Variants in DMD observed in about 807,000 individuals in gnomAD.
The protein encoded by DMD is dystrophin, also known as mutant dystrophin.
In DMD, 63 loss-of-function variants were observed where a neutral mutation model predicts 330.1. The ratio of observed to expected loss-of-function variants is 0.19; its 90% confidence interval spans 0.16 to 0.24. The LOEUF is 0.24. DMD is among the 10% of genes least tolerant of loss of function. The pLI, the probability that DMD is intolerant of heterozygous loss-of-function variation, is 1.00. For synonymous variants in DMD, 1,223 were observed against 959.8 expected (o/e 1.27, Z -5.07); for missense variants, 3,344 against 2,684.1 (o/e 1.25, Z -5.43).
intron 47 of DMD, among the ~76,000 whole-genome samples, chrX:31,911,305 T>G (rs942326867): frequency 4.5e-5 from 5 of 112,107 alleles, no homozygotes; most frequent in South Asian, 7.4e-4. Flanking sequence ...GGAAAATTAC[T>G]AAAAAAATTA....
At chrX:31,793,182 T>G (rs1306921868) in intron 50 of DMD, among the ~76,000 whole-genome samples, 1 of 110,405 alleles carries the variant, frequency 9.1e-6, no homozygotes, top group Non-Finnish European at 1.9e-5. Flanking sequence ...GAGTCTGGGG[T>G]TTTTATAGGC....
At chrX:33,200,643 C>A (rs1219842486) in intron 1 of DMD, among the ~76,000 whole-genome samples, 2 of 110,827 alleles carry the variant, frequency 1.8e-5, no homozygotes, top group African/African-American at 6.5e-5. Context: ...TATAATCACA[C>A]ATCTTAGTGT....
chrX:31,558,693 T>C (rs181878751), intron 55 of DMD, among the ~76,000 whole-genome samples: 15 of 111,272 alleles, frequency 1.3e-4, no homozygotes, highest in African/African-American at 4.6e-4. Flanking sequence ...TATGGACATA[T>C]AATTGGCATT....
intron 68 of DMD, among the ~76,000 whole-genome samples, chrX:31,181,738 G>C (rs1287453583): frequency 8.9e-6 from 1 of 112,358 alleles, no homozygotes. Flanking sequence ...TAAAAAGCAC[G>C]CAACAGTACA....
At position 31,649,197 on chromosome X, in the gene DMD, C is replaced by T. The variant is rs778073628; in HGVS notation, c.8027+8793G>A. ...TATCCTATAATTTTTTATTAGGAAA[C>T]AATGGTAAGTTTTCGATAATACTAT... On this transcript the variant is annotated intron_variant, in intron 54 of 78. Transcript: ENST00000357033. Among the ~76,000 whole-genome samples, 25 of 111,225 alleles carry T rather than the reference C, an allele frequency of 2.2e-4. No homozygotes were observed. The Admixed American group carries it at 2.4e-3, about 11-fold the overall frequency.
chrX:31,535,823 C>G (rs2073351817), intron 55 of DMD, among the ~76,000 whole-genome samples: 1 of 111,724 alleles, frequency 9.0e-6, no homozygotes, highest in African/African-American at 3.3e-5. Flanking sequence ...ATGACAGACA[C>G]TGTCCCAGTC....
At chrX:31,973,063 A>G (rs2095411227) in intron 44 of DMD, among the ~76,000 whole-genome samples, 1 of 111,390 alleles carries the variant, frequency 9.0e-6, no homozygotes, top group African/African-American at 3.3e-5. Flanking sequence ...CTTCTATCGG[A>G]TGATGGATTT....
chrX:33,211,639 C>T (rs2148865112), upstream of DMD: 8 of 811,612 alleles, frequency 9.9e-6, no homozygotes, highest in South Asian at 3.3e-5. Context: ...GTTGGTTTCC[C>T]ATAATAGGAC....
chrX:31,944,480 CTTT>C (rs763562090), intron 45 of DMD, among the ~76,000 whole-genome samples: 4 of 98,628 alleles, frequency 4.1e-5, no homozygotes, highest in Non-Finnish European at 2.1e-5. Flanking sequence ...ACAATTACCA[CTTT>C]TTTTTTTTTT....
chrX:32,450,935 A>G (rs952199757), intron 26 of DMD, among the ~76,000 whole-genome samples: 1 of 111,246 alleles, frequency 9.0e-6, no homozygotes, highest in East Asian at 2.8e-4. Flanking sequence ...CCAGGTACAT[A>G]TGAGGAAAGA....
chrX:32,302,133 T>A (rs2097525651), intron 42 of DMD, among the ~76,000 whole-genome samples: 1 of 111,302 alleles, frequency 9.0e-6, no homozygotes, highest in African/African-American at 3.2e-5. Context: ...TTTTCAACTT[T>A]AGGGTGGTGA....
intron 45 of DMD, among the ~76,000 whole-genome samples, chrX:31,943,659 TACTC>T (rs951443323): frequency 3.6e-5 from 4 of 111,237 alleles, no homozygotes; most frequent in Non-Finnish European, 7.5e-5. Context: ...TCTTTTTTGT[TACTC>T]AGTTTTATAA....
At position 32,427,734 on chromosome X, in the gene DMD, A is replaced by G. The variant is rs1199906621; in HGVS notation, c.4071+10507T>C. Reference sequence around the variant, plus strand: ...TATCTATTCCTAGAAAGTGTGTTCAAATTTGAATGTAAAATAATTTCAGTC... The same window carrying G: ...TATCTATTCCTAGAAAGTGTGTTCAGATTTGAATGTAAAATAATTTCAGTC... On this transcript the variant is annotated intron_variant, in intron 29 of 78. Transcript: ENST00000357033. Among the ~76,000 whole-genome samples the G allele has an allele frequency of 3.6e-5, 4 of 111,256 alleles. 1 individual carries two copies. The highest frequency in any genetic ancestry group is 7.6e-5 in the Non-Finnish European group (4 of 52,956).
chrX:32,632,595 T>C (rs1260402848), intron 11 of DMD, among the ~76,000 whole-genome samples: 1 of 112,455 alleles, frequency 8.9e-6, no homozygotes. Flanking sequence ...AAAATCTAGA[T>C]GGATGTTCCC....
At chrX:32,802,817 G>T (rs1284089032) in intron 7 of DMD, among the ~76,000 whole-genome samples, 2 of 111,869 alleles carry the variant, frequency 1.8e-5, no homozygotes, top group African/African-American at 6.5e-5. Context: ...TCCCAGGGAT[G>T]AAGCCAACTT....
intron 55 of DMD, among the ~76,000 whole-genome samples, chrX:31,612,873 TATTTA>T (rs1363787870): frequency 1.8e-5 from 2 of 112,290 alleles, no homozygotes; most frequent in African/African-American, 6.5e-5. Context: ...GAAGGGAAGT[TATTTA>T]ATTTATGTTT....
At chrX:32,530,433 T>C (rs2047372098) in intron 17 of DMD, among the ~76,000 whole-genome samples, 1 of 112,240 alleles carries the variant, frequency 8.9e-6, no homozygotes, top group South Asian at 3.7e-4. Context: ...AGAAATGATG[T>C]TAAAATAATC....
At chrX:32,318,826 T>G (rs2097595216) in intron 41 of DMD, among the ~76,000 whole-genome samples, 1 of 111,822 alleles carries the variant, frequency 8.9e-6, no homozygotes, top group Admixed American at 9.5e-5. Flanking sequence ...CAGGGCAGGC[T>G]GTCAGCGAAA....
At chrX:32,738,383 T>A (rs1483252705) in intron 7 of DMD, among the ~76,000 whole-genome samples, 1 of 111,776 alleles carries the variant, frequency 8.9e-6, no homozygotes, top group Non-Finnish European at 1.9e-5. Context: ...CAATCTCTAC[T>A]TCCTATTAGT....
Sources: allele counts gnomAD v4.1 joint callset (sites outside exome capture counted in the v4.1 genomes callset), GRCh38; gene constraint gnomAD v4.1.1; transcripts MANE v1.5; gene names NCBI Gene and HGNC (gene_info 2026-07-23, HGNC 2026-07-21).